ENTPD1: variants seen among roughly 807,000 people sequenced by gnomAD.
ENTPD1 encodes ATP diphosphohydrolase.
In ENTPD1, 33 loss-of-function variants were observed where a neutral mutation model predicts 57.0. The ratio of observed to expected loss-of-function variants is 0.58; its 90% confidence interval spans 0.44 to 0.77. The LOEUF (loss-of-function observed/expected upper bound fraction) is 0.77. Ranked by LOEUF, ENTPD1 falls within the 30% of genes least tolerant of loss-of-function variation. ENTPD1 has a pLI of 0.00. For missense variants in ENTPD1, 501 were observed against 603.4 expected (o/e 0.83, Z 1.78); for synonymous variants, 202 against 218.8 (o/e 0.92, Z 0.68).
intron 7 of ENTPD1, among the ~76,000 whole-genome samples, chr10:95,855,645 C>A (rs1158843818): frequency 6.6e-6 from 1 of 152,210 alleles, no homozygotes; most frequent in Non-Finnish European, 1.5e-5. Context: ...GTGACAGAAT[C>A]TCTCAGTGTT....
At chr10:95,765,001 C>T (rs552283176) in intron 1 of ENTPD1, among the ~76,000 whole-genome samples, 8 of 152,038 alleles carry the variant, frequency 5.3e-5, no homozygotes, top group Admixed American at 2.0e-4. Context: ...GGATTACAGG[C>T]GTGAGCCACC....
chr10:95,873,555 A>G lies in ENTPD1; in HGVS notation c.*7172A>G, dbSNP rs2098482743. The G allele has an allele frequency of 1.0e-6, 1 of 985,326 alleles. No individual in the cohort carries two copies. Among genetic ancestry groups the G allele is most frequent in the South Asian group, 4.7e-5 (1 of 21,286 alleles). 61.0% of individuals were successfully genotyped at this position (985,326 alleles called of 1,614,324 possible). A position where few individuals can be genotyped will look rare whatever the true frequency, so the allele number is the denominator to read the frequency against. On this transcript the variant is annotated 3_prime_UTR_variant, in exon 10 of 10. Coordinates refer to ENST00000371205, the MANE Select transcript of ENTPD1 (RefSeq NM_001776.6). ...AAGAGTAGGTAGGTTATGCCAGCTC[A>G]CACGCATCCTTTAAAAATGGTTTAG...
chr10:95,778,172 A>G (rs985664683), intron 1 of ENTPD1, among the ~76,000 whole-genome samples: 1 of 152,138 alleles, frequency 6.6e-6, no homozygotes, highest in Non-Finnish European at 1.5e-5. Flanking sequence ...ACCAGTCCCA[A>G]TGAGATGAAC....
chr10:95,790,272 C>T (rs908146421), intron 1 of ENTPD1, among the ~76,000 whole-genome samples: 1 of 152,116 alleles, frequency 6.6e-6, no homozygotes, highest in African/African-American at 2.4e-5. Context: ...TTCTTAATAA[C>T]ATTTTCTTTT....
rs559606272 is a variant in ENTPD1, at chr10:95,867,893, A to G, written c.*1510A>G. The G allele has an allele frequency of 1.0e-6, 1 of 985,462 alleles. No individual in the cohort carries two copies. The highest frequency in any genetic ancestry group is 4.7e-5 in the South Asian group (1 of 21,292). 61.0% of individuals were successfully genotyped at this position (985,462 alleles called of 1,614,324 possible). A position where few individuals can be genotyped will look rare whatever the true frequency, so the allele number is the denominator to read the frequency against. ...AACATCCAGGTGAATATAAAAACTT[A>G]ATAAAGCTGTGGAAAGGAACTCTTA... On this transcript the variant is annotated 3_prime_UTR_variant, in exon 10 of 10. Coordinates refer to ENST00000371205, the MANE Select transcript of ENTPD1 (RefSeq NM_001776.6).
chr10:95,714,340 A>G (rs1242103194), intron 1 of ENTPD1, among the ~76,000 whole-genome samples: 1 of 151,922 alleles, frequency 6.6e-6, no homozygotes, highest in African/African-American at 2.4e-5. Flanking sequence ...TAAAATTTAC[A>G]TAAATAAATA....
At chr10:95,792,098 G>A (rs2098206701) in intron 1 of ENTPD1, among the ~76,000 whole-genome samples, 1 of 152,052 alleles carries the variant, frequency 6.6e-6, no homozygotes, top group Non-Finnish European at 1.5e-5. Context: ...AGAAGTGAGA[G>A]TGGGAATGGT....
chr10:95,830,880 A>G (rs905215341), intron 2 of ENTPD1, among the ~76,000 whole-genome samples: 1 of 152,212 alleles, frequency 6.6e-6, no homozygotes, highest in Non-Finnish European at 1.5e-5. Flanking sequence ...TTTTGATTGA[A>G]GACCACTGCT....
In ENTPD1 at chr10:95,876,633, T is replaced by C; in HGVS notation, c.*10250T>C. The C allele has an allele frequency of 3.3e-6, 4 of 1,229,316 alleles. No individual in the cohort carries two copies. Among genetic ancestry groups the C allele is most frequent in the Non-Finnish European group, 4.1e-6 (4 of 986,842 alleles). The allele number at this position is 1,229,316 out of a possible 1,614,324, so 76.2% of individuals were successfully genotyped here. A position where few individuals can be genotyped will look rare whatever the true frequency, so the allele number is the denominator to read the frequency against. On this transcript the variant is annotated 3_prime_UTR_variant, in exon 10 of 10. Transcript: ENST00000371205. ...TGCAGTGAAGTCTGTTTGAAGGATGTATTTGGCTGTCTTCTGGACAGGCCA... is the reference window on the plus strand; with the variant it reads ...TGCAGTGAAGTCTGTTTGAAGGATGCATTTGGCTGTCTTCTGGACAGGCCA...
At chr10:95,694,879 C>G in the ENTPD1 span, among the ~76,000 whole-genome samples, 1 of 145,434 alleles carries the variant, frequency 6.9e-6, no homozygotes, top group Non-Finnish European at 1.5e-5. Context: ...ATGTGGCTAG[C>G]GTGACTGAGG....
chr10:95,872,018 C>G lies in ENTPD1; in HGVS notation c.*5635C>G. 1 of 985,448 alleles carries G rather than the reference C, an allele frequency of 1.0e-6. No individual in the cohort carries two copies. The highest frequency in any genetic ancestry group is 1.2e-6 in the Non-Finnish European group (1 of 829,934). The allele number at this position is 985,448 out of a possible 1,614,324, so 61.0% of individuals were successfully genotyped here. A position where few individuals can be genotyped will look rare whatever the true frequency, so the allele number is the denominator to read the frequency against. The stretch of plus-strand genomic sequence containing the variant: ...GTGTTTTACATGATTAATGCCACCC[C>G]TGCCTCAATGAACCAAGATCAGCTC... On this transcript the variant is annotated 3_prime_UTR_variant, in exon 10 of 10. Coordinates refer to ENST00000371205, the MANE Select transcript of ENTPD1 (RefSeq NM_001776.6).
intron 1 of ENTPD1, among the ~76,000 whole-genome samples, chr10:95,800,176 C>T (rs182031650): frequency 1.4e-4 from 22 of 152,070 alleles, no homozygotes; most frequent in African/African-American, 2.9e-4. Context: ...AAGTGTTGGC[C>T]GGTCTGAGAA....
intron 1 of ENTPD1, among the ~76,000 whole-genome samples, chr10:95,807,073 G>A (rs560568939): frequency 4.6e-5 from 7 of 152,224 alleles, no homozygotes; most frequent in Non-Finnish European, 7.3e-5. Flanking sequence ...TAAGTCTGCC[G>A]AAGTTGTCTG....
At chr10:95,745,265 C>G (rs2139886821) in intron 1 of ENTPD1, among the ~76,000 whole-genome samples, 1 of 152,212 alleles carries the variant, frequency 6.6e-6, no homozygotes, top group East Asian at 1.9e-4. Context: ...CTCACTGCAG[C>G]CTTGAACTCC....
Position 95,876,949 on chromosome 10 carries a change from A to G in ENTPD1, c.*10566A>G, listed in dbSNP as rs1566279125. Among the ~76,000 whole-genome samples, 1 of 152,236 alleles carries G rather than the reference A, an allele frequency of 6.6e-6. No homozygotes were observed. Among genetic ancestry groups the G allele is most frequent in the South Asian group, 2.1e-4 (1 of 4,834 alleles). On this transcript the variant is annotated 3_prime_UTR_variant, in exon 10 of 10. Transcript: ENST00000371205. The stretch of plus-strand genomic sequence containing the variant: ...AATCATTATGTGATGCAACATGGCA[A>G]AAGTATACAGACAGTGCATCCAGAG...
chr10:95,839,848 G>A lies in ENTPD1; in HGVS notation c.262+40G>A, dbSNP rs754651985. The A allele has an allele frequency of 7.5e-6, 12 of 1,595,536 alleles. No homozygotes were observed. In the East Asian group the frequency reaches 2.7e-4, roughly 36 times the overall value. ...AAGGGAAGGGGAGGCCAACAGTGGG[G>A]CATGAGAACATGAGAGGTGTATGAC... On this transcript the variant is annotated intron_variant, in intron 3 of 9. Coordinates refer to ENST00000371205, the MANE Select transcript of ENTPD1 (RefSeq NM_001776.6).
At chr10:95,801,190 C>T (rs2098248164) in intron 1 of ENTPD1, among the ~76,000 whole-genome samples, 1 of 152,158 alleles carries the variant, frequency 6.6e-6, no homozygotes, top group African/African-American at 2.4e-5. Context: ...TGTGCCGAAG[C>T]TTTTTAGTTC....
chr10:95,849,462 C>T (rs2098441140), intron 7 of ENTPD1, among the ~76,000 whole-genome samples: 2 of 152,168 alleles, frequency 1.3e-5, no homozygotes, highest in Admixed American at 1.3e-4. Flanking sequence ...CTCCAGGACC[C>T]CAGCAAGAGA....
rs66753059 is a variant in ENTPD1, at chr10:95,856,651, C to CATATATAT, written c.1075-3804_1075-3797dup. Among the ~76,000 whole-genome samples, 96 of 142,200 alleles carry CATATATAT rather than the reference C, an allele frequency of 6.8e-4. 1 individual carries two copies. Among genetic ancestry groups the CATATATAT allele is most frequent in the Admixed American group, 2.4e-3 (34 of 14,040 alleles). The allele number at this position is 142,200 out of a possible 152,430, so 93.3% of individuals were successfully genotyped here. On this transcript the variant is annotated intron_variant, in intron 7 of 9. Transcript: ENST00000371205. ...AATGTGGTAAATATATATATGTATG[C>CATATATAT]ATATATATATATATATATATACACA...
Sources: gnomAD v4.1 joint callset for allele counts (sites outside exome capture counted in the v4.1 genomes callset) on GRCh38, gnomAD v4.1.1 for gene constraint, MANE v1.5 for transcripts, NCBI Gene and HGNC (gene_info 2026-07-23, HGNC 2026-07-21) for gene names.